CDKN2B-AS1: variants seen among roughly 807,000 people sequenced by gnomAD.
CDKN2B-AS1 encodes the protein CDKN2B and CDKN2A antisense cis and trans regulatory RNA 1.
chr9:22,117,812 G>T (rs577786851), intron 4 of CDKN2B-AS1: 1 of 152,394 alleles, frequency 6.6e-6, no homozygotes, highest in Non-Finnish European at 1.5e-5. Flanking sequence ...TCAAGGACAA[G>T]CTCCCGGTTA....
intron 4 of CDKN2B-AS1, among the ~76,000 whole-genome samples, chr9:22,106,447 C>T (rs967564577): frequency 1.3e-5 from 2 of 152,148 alleles, no homozygotes; most frequent in South Asian, 2.1e-4. Flanking sequence ...GAACTCCTGA[C>T]CTCAGGTGAT....
At chr9:22,123,069 C>T (rs1303504929) in intron 4 of CDKN2B-AS1, among the ~76,000 whole-genome samples, 1 of 152,086 alleles carries the variant, frequency 6.6e-6, no homozygotes, top group Non-Finnish European at 1.5e-5. Context: ...GGTCTTTCAC[C>T]TCCTTGGTTA....
At chr9:22,059,378 T>C (rs1204562868) in intron 4 of CDKN2B-AS1, among the ~76,000 whole-genome samples, 1 of 152,140 alleles carries the variant, frequency 6.6e-6, no homozygotes, top group African/African-American at 2.4e-5. Context: ...AAGTCCAAAA[T>C]CCAGCGAGGC....
rs1434146876 is a variant in CDKN2B-AS1 at position 22,000,489 on chromosome 9, A to G, written n.29+5328A>G. ...AGAGGATGATCAAATGTTTTTCAGA[A>G]AATATTATAGGTGGCACTTTGGCAG... On this transcript the variant is annotated intron_variant and non_coding_transcript_variant, in intron 1 of 4. Coordinates refer to ENST00000650946, the Ensembl canonical transcript of CDKN2B-AS1. This position sits in a 1 kb window ranked among gnomAD's most constrained non-coding sequence, Gnocchi z 4.1. Among the ~76,000 whole-genome samples, 4 of 152,326 alleles carry G rather than the reference A, an allele frequency of 2.6e-5. No individual in the cohort carries two copies. The highest frequency in any genetic ancestry group is 5.9e-5 in the Non-Finnish European group (4 of 68,014).
At chr9:22,018,355 T>C (rs1821869101) in intron 1 of CDKN2B-AS1, among the ~76,000 whole-genome samples, 1 of 147,482 alleles carries the variant, frequency 6.8e-6, no homozygotes, top group Admixed American at 6.9e-5. Context: ...TACTTACATA[T>C]TACTGATAAC....
intron 4 of CDKN2B-AS1, among the ~76,000 whole-genome samples, chr9:22,074,955 A>C (rs1824438194): frequency 1.3e-5 from 2 of 152,240 alleles, no homozygotes; most frequent in South Asian, 4.1e-4. Flanking sequence ...TGGTGGTGGA[A>C]GAGAGAATTT....
intron 4 of CDKN2B-AS1, among the ~76,000 whole-genome samples, chr9:22,081,985 C>A (rs994191798): frequency 6.6e-6 from 1 of 152,208 alleles, no homozygotes; most frequent in Admixed American, 6.5e-5. Context: ...CACCATGCAC[C>A]TTTCTGAAAC....
intron 1 of CDKN2B-AS1, among the ~76,000 whole-genome samples, chr9:22,011,958 T>C (rs1821527259): frequency 6.6e-6 from 1 of 152,202 alleles, no homozygotes; most frequent in Non-Finnish European, 1.5e-5. Flanking sequence ...TAATGGTAAA[T>C]TGGCATAGAA....
At chr9:22,062,078 G>A (rs184453770) in intron 4 of CDKN2B-AS1, 4 of 152,200 alleles carry the variant, frequency 2.6e-5, no homozygotes, top group Admixed American at 1.3e-4. Flanking sequence ...TGTTACTGAC[G>A]TTGTGAGTGA....
At chr9:22,088,944 G>C (rs1043398111) in intron 4 of CDKN2B-AS1, among the ~76,000 whole-genome samples, 1 of 152,298 alleles carries the variant, frequency 6.6e-6, no homozygotes, top group South Asian at 2.1e-4. Context: ...TGAGTGTCTG[G>C]ATGGATCAGC....
At chr9:22,008,446 C>A (rs992502948) in intron 1 of CDKN2B-AS1, among the ~76,000 whole-genome samples, 3 of 152,138 alleles carry the variant, frequency 2.0e-5, no homozygotes, top group African/African-American at 4.8e-5. Context: ...GAATGCGTAA[C>A]TTATACTTTA....
chr9:22,041,753 T>C (rs890917093), intron 1 of CDKN2B-AS1, among the ~76,000 whole-genome samples: 2 of 152,090 alleles, frequency 1.3e-5, no homozygotes. Context: ...TTTTGACTTA[T>C]GTTTTCATCT....
At chr9:22,070,381 A>C (rs939034018) in intron 4 of CDKN2B-AS1, among the ~76,000 whole-genome samples, 1 of 152,196 alleles carries the variant, frequency 6.6e-6, no homozygotes, top group African/African-American at 2.4e-5. Flanking sequence ...TTTCCCTCCA[A>C]ATGTCAGTAG....
intron 4 of CDKN2B-AS1, among the ~76,000 whole-genome samples, chr9:22,071,252 A>G (rs1207532215): frequency 7.0e-6 from 1 of 143,538 alleles, no homozygotes; most frequent in East Asian, 2.1e-4. Flanking sequence ...ACCCAGATCT[A>G]ATGACTCAGA....
chr9:22,122,428 G>A (rs1004814853), intron 4 of CDKN2B-AS1, among the ~76,000 whole-genome samples: 1 of 151,990 alleles, frequency 6.6e-6, no homozygotes, highest in Non-Finnish European at 1.5e-5. Context: ...TATTTTGTTT[G>A]TGTTACCTAT....
chr9:22,056,975 C>T (rs1447813567), intron 4 of CDKN2B-AS1, among the ~76,000 whole-genome samples: 1 of 152,076 alleles, frequency 6.6e-6, no homozygotes, highest in African/African-American at 2.4e-5. Context: ...GTAGCTTAGT[C>T]CTCAAAACTA....
chr9:22,118,919 A>C (rs1826027539), intron 4 of CDKN2B-AS1: 1 of 152,206 alleles, frequency 6.6e-6, no homozygotes, highest in Non-Finnish European at 1.5e-5. Context: ...GAAAATGATT[A>C]AAGAAGAAAG....
chr9:22,025,873 T>G (rs1272332851), intron 1 of CDKN2B-AS1, among the ~76,000 whole-genome samples: 2 of 151,920 alleles, frequency 1.3e-5, no homozygotes, highest in African/African-American at 4.8e-5. Flanking sequence ...ATACTGGGGG[T>G]ATGCTTTAGC....
At chr9:22,031,069 T>A (rs1822448721) in intron 1 of CDKN2B-AS1, 1 of 152,210 alleles carries the variant, frequency 6.6e-6, no homozygotes, top group Admixed American at 6.5e-5. Flanking sequence ...TTATTTTTTA[T>A]GCAATCATTT....
Sources: allele counts gnomAD v4.1 joint callset (sites outside exome capture counted in the v4.1 genomes callset), GRCh38; gene constraint gnomAD v4.1.1; non-coding constraint Gnocchi (gnomAD v3.1); transcripts MANE v1.5; gene names NCBI Gene and HGNC (gene_info 2026-07-23, HGNC 2026-07-21).